Variants in ASIC2 observed in about 807,000 individuals in gnomAD.
ASIC2 encodes the protein acid sensing ion channel subunit 2.
ASIC2 carries 25 observed loss-of-function variants against 57.3 expected under a neutral mutation model. The observed-to-expected ratio is 0.44, with a 90% CI of 0.32 to 0.61. The LOEUF (loss-of-function observed/expected upper bound fraction) is 0.61, where lower values mean the gene tolerates loss of function less well. Among genes scored for constraint, ASIC2 ranks in the 20% least tolerant of loss-of-function variants. ASIC2 has a pLI of 0.06. For missense variants in ASIC2, 641 were observed against 738.1 expected, an observed-to-expected ratio of 0.87 and a Z score of 1.52; for synonymous variants, 319 against 307.5, an observed-to-expected ratio of 1.04 and a Z score of -0.39.
chr17:33,797,997 G>A (rs1911971049), intron 1 of ASIC2, among the ~76,000 whole-genome samples: 1 of 152,202 alleles, frequency 6.6e-6, no homozygotes, highest in Non-Finnish European at 1.5e-5. Context: ...AGGAAGTGGG[G>A]AGAGGTGATG....
At chr17:33,799,420 TTTC>T (rs1567719009) in intron 1 of ASIC2, among the ~76,000 whole-genome samples, 4 of 73,418 alleles carry the variant, frequency 5.4e-5, no homozygotes, top group African/African-American at 2.2e-4. Flanking sequence ...TCTTTCTTTC[TTTC>T]TTTCTTCTTT....
At chr17:33,222,047 GTAGTGC>G (rs1907708575) in intron 1 of ASIC2, among the ~76,000 whole-genome samples, 1 of 152,136 alleles carries the variant, frequency 6.6e-6, no homozygotes. Context: ...TGGGTTCTCT[GTAGTGC>G]AACAAAGAGA....
At chr17:34,073,547 A>G (rs1013559394) in intron 1 of ASIC2, among the ~76,000 whole-genome samples, 1 of 152,238 alleles carries the variant, frequency 6.6e-6, no homozygotes, top group Admixed American at 6.5e-5. Context: ...AACTTTCTGT[A>G]GCAGACACAG....
chr17:33,672,158 G>A lies in ASIC2; in HGVS notation c.555+483820C>T, dbSNP rs202162277. Among the ~76,000 whole-genome samples the A allele has an allele frequency of 3.9e-5, 6 of 152,260 alleles. No individual in the cohort carries two copies. The East Asian group carries it at 1.2e-3, about 29-fold the overall frequency. Reference sequence around the variant, plus strand: ...TCTTATACCTTGTCCCAAAAGGCCAGTTTCACACACTCCATTAATGCTGGC... The same window carrying A: ...TCTTATACCTTGTCCCAAAAGGCCAATTTCACACACTCCATTAATGCTGGC... On this transcript the variant is annotated intron_variant, in intron 1 of 9. Coordinates refer to the ASIC2 transcript ENST00000359872.
chr17:33,771,319 G>A (rs12603968), intron 1 of ASIC2, among the ~76,000 whole-genome samples: 12,133 of 152,118 alleles, frequency 0.08, 561 homozygotes, highest in East Asian at 0.22. Flanking sequence ...GCAGAGTCTG[G>A]GTGCAACCCT....
intron 1 of ASIC2, among the ~76,000 whole-genome samples, chr17:33,396,088 C>T (rs903836712): frequency 6.6e-6 from 1 of 152,174 alleles, no homozygotes; most frequent in African/African-American, 2.4e-5. Context: ...AAACAGACCT[C>T]GTCATAACCA....
At chr17:33,888,155 T>G (rs976477826) in intron 1 of ASIC2, among the ~76,000 whole-genome samples, 7 of 152,308 alleles carry the variant, frequency 4.6e-5, no homozygotes, top group African/African-American at 1.7e-4. Flanking sequence ...AGCACCTATC[T>G]ATACATACAT....
chr17:34,114,582 T>C lies in ASIC2; in HGVS notation c.555+41396A>G, dbSNP rs542972240. Among the ~76,000 whole-genome samples the C allele has an allele frequency of 5.3e-4, 80 of 152,304 alleles. 1 individual carries two copies. Among genetic ancestry groups the C allele is most frequent in the African/African-American group, 1.9e-3 (79 of 41,554 alleles). The stretch of plus-strand genomic sequence containing the variant: ...ATCCACATCTGCAGAAAGGATTTTT[T>C]GGGGGGCTAAAAGCAAGTCAGGGAT... On this transcript the variant is annotated intron_variant, in intron 1 of 9. Transcript: ENST00000359872.
At chr17:33,163,445 T>C (rs552430726) in intron 1 of ASIC2, among the ~76,000 whole-genome samples, 1 of 151,932 alleles carries the variant, frequency 6.6e-6, no homozygotes, top group East Asian at 2.0e-4. Flanking sequence ...TGCTTGCCTC[T>C]CATGAGGCTG....
rs1567695931 is a variant in ASIC2, at chr17:33,712,635, G to GTTTTTTTTTTTTTTTT, written c.555+443342_555+443343insAAAAAAAAAAAAAAAA. The stretch of plus-strand genomic sequence containing the variant: ...CTTTGCTTCCAAGCTTACTCATATG[G>GTTTTTTTTTTTTTTTT]CTTTTTTTTTTTTTTTTTTTTTTTT... On this transcript the variant is annotated intron_variant, in intron 1 of 9. Coordinates refer to the ASIC2 transcript ENST00000359872. 2.5e-4 allele frequency among the ~76,000 whole-genome samples: 31 copies of GTTTTTTTTTTTTTTTT among 123,320 alleles called. 3 individuals carry two copies. Among genetic ancestry groups the GTTTTTTTTTTTTTTTT allele is most frequent in the African/African-American group, 1.0e-3 (31 of 30,912 alleles). The allele number at this position is 123,320 out of a possible 152,430, so 80.9% of individuals were successfully genotyped here.
chr17:33,665,676 A>C (rs1907449035), intron 1 of ASIC2, among the ~76,000 whole-genome samples: 1 of 152,218 alleles, frequency 6.6e-6, no homozygotes, highest in South Asian at 2.1e-4. Flanking sequence ...AGATAATCCA[A>C]GTATATTTTC....
intron 1 of ASIC2, among the ~76,000 whole-genome samples, chr17:33,463,993 A>G (rs1185054038): frequency 1.3e-5 from 2 of 150,870 alleles, no homozygotes; most frequent in Non-Finnish European, 3.0e-5. Context: ...TATGAGTGGC[A>G]TCTGAACACC....
chr17:33,413,127 C>T (rs537828282), intron 1 of ASIC2, among the ~76,000 whole-genome samples: 4 of 152,260 alleles, frequency 2.6e-5, no homozygotes, highest in South Asian at 2.1e-4. Flanking sequence ...CGCTTTCCCC[C>T]GAGATGTGTT....
chr17:33,391,530 T>C (rs894168429), intron 1 of ASIC2, among the ~76,000 whole-genome samples: 8 of 152,224 alleles, frequency 5.3e-5, no homozygotes, highest in African/African-American at 1.9e-4. Context: ...CTCAGTTCTT[T>C]GCCTTTGCCC....
chr17:33,721,323 T>C (rs1439293380), intron 1 of ASIC2, among the ~76,000 whole-genome samples: 1 of 152,222 alleles, frequency 6.6e-6, no homozygotes, highest in African/African-American at 2.4e-5. Flanking sequence ...TTCTCCTCTC[T>C]TTCCAAGCAT....
At chr17:33,493,360 G>A (rs1257690828) in intron 1 of ASIC2, among the ~76,000 whole-genome samples, 1 of 152,136 alleles carries the variant, frequency 6.6e-6, no homozygotes, top group Non-Finnish European at 1.5e-5. Context: ...GAAATAATAT[G>A]GAGACATCTG....
chr17:34,015,324 C>T (rs1336739866), intron 1 of ASIC2, among the ~76,000 whole-genome samples: 1 of 152,136 alleles, frequency 6.6e-6, no homozygotes, highest in East Asian at 1.9e-4. Flanking sequence ...GTCCAGTTTC[C>T]CTGTAGTGGT....
rs546003371 is a variant in ASIC2, at chr17:33,734,991, G to A, written c.555+420987C>T. Among the ~76,000 whole-genome samples, 34 of 152,278 alleles carry A rather than the reference G, an allele frequency of 2.2e-4. 1 individual carries two copies. The South Asian group carries it at 6.4e-3, about 29-fold the overall frequency. On this transcript the variant is annotated intron_variant, in intron 1 of 9. Transcript: ENST00000359872. ...TCTTGCTATTTCTCAAAAATTCCAAGCATGTTCCAGTTCAGAGACTGCACT... is the reference window on the plus strand; with the variant it reads ...TCTTGCTATTTCTCAAAAATTCCAAACATGTTCCAGTTCAGAGACTGCACT...
At chr17:33,220,174 C>T (rs529977657) in intron 1 of ASIC2, among the ~76,000 whole-genome samples, 11 of 152,226 alleles carry the variant, frequency 7.2e-5, no homozygotes, top group African/African-American at 2.6e-4. Context: ...TTTGCCCCAC[C>T]CTGGCCTCCC....
Sources: gnomAD v4.1 joint callset for allele counts (sites outside exome capture counted in the v4.1 genomes callset) on GRCh38, gnomAD v4.1.1 for gene constraint, MANE v1.5 for transcripts, NCBI Gene and HGNC (gene_info 2026-07-23, HGNC 2026-07-21) for gene names.